The following SYN3 variants were observed in gnomAD, a reference collection of about 807,000 sequenced individuals.
The protein encoded by SYN3 is synapsin III.
SYN3 carries 35 observed loss-of-function variants against 65.8 expected under a neutral mutation model. The observed-to-expected ratio is 0.53, with a 90% CI of 0.41 to 0.70. The LOEUF (loss-of-function observed/expected upper bound fraction) is 0.70, where lower values mean the gene tolerates loss of function less well. Among genes scored for constraint, SYN3 ranks in the 30% least tolerant of loss-of-function variants. The pLI is 0.00. For synonymous variants in SYN3, 270 were observed against 292.9 expected (o/e 0.92, Z 0.80); for missense variants, 680 against 749.0 (o/e 0.91, Z 1.08).
chr22:32,844,886 A>C (rs1211716890), intron 6 of SYN3, among the ~76,000 whole-genome samples: 1 of 151,750 alleles, frequency 6.6e-6, no homozygotes, highest in African/African-American at 2.4e-5. Flanking sequence ...AATTGTTTTA[A>C]ATTTTTATAA....
At chr22:32,798,316 G>A (rs1245583236) in intron 6 of SYN3, among the ~76,000 whole-genome samples, 1 of 152,040 alleles carries the variant, frequency 6.6e-6, no homozygotes, top group East Asian at 1.9e-4. Context: ...AATGGCTGGG[G>A]TTTCCAAGCC....
chr22:32,820,201 C>T (rs2047197604), intron 6 of SYN3, among the ~76,000 whole-genome samples: 2 of 152,006 alleles, frequency 1.3e-5, no homozygotes, highest in Non-Finnish European at 2.9e-5. Context: ...TCCCTCAGGG[C>T]ATGATCACAG....
intron 3 of SYN3, among the ~76,000 whole-genome samples, chr22:32,969,747 T>A (rs1008632988): frequency 6.6e-6 from 1 of 152,184 alleles, no homozygotes; most frequent in Non-Finnish European, 1.5e-5. Flanking sequence ...CCTGGCTCTA[T>A]CCTTCCATGA....
At position 32,848,048 on chromosome 22, in the gene SYN3, C is replaced by T. The variant is rs200851145; in HGVS notation, c.711+16867G>A. 4.6e-5 allele frequency among the ~76,000 whole-genome samples: 7 copies of T among 152,322 alleles called. No homozygotes were observed. In the East Asian group the frequency reaches 9.6e-4, roughly 21 times the overall value. Reference sequence around the variant, plus strand: ...CTCTGCAATTTCCAGTTTTGGTATTCAAGACCTGTCCATTTGCTCCTCCAT... The same window carrying T: ...CTCTGCAATTTCCAGTTTTGGTATTTAAGACCTGTCCATTTGCTCCTCCAT... On this transcript the variant is annotated intron_variant, in intron 6 of 13. Coordinates refer to ENST00000358763, the MANE Select transcript of SYN3 (RefSeq NM_003490.4).
At chr22:32,832,875 G>A (rs1402528452) in intron 6 of SYN3, among the ~76,000 whole-genome samples, 2 of 151,852 alleles carry the variant, frequency 1.3e-5, no homozygotes, top group Non-Finnish European at 2.9e-5. Flanking sequence ...CTACAGGTAC[G>A]TACTACCATT....
intron 6 of SYN3, among the ~76,000 whole-genome samples, chr22:32,726,906 C>T (rs1189391929): frequency 6.6e-6 from 1 of 152,054 alleles, no homozygotes; most frequent in Non-Finnish European, 1.5e-5. Flanking sequence ...AGATAGAAGA[C>T]AGAATCATTT....
At chr22:32,937,122 C>A (rs146724567) in intron 3 of SYN3, among the ~76,000 whole-genome samples, 172 of 152,080 alleles carry the variant, frequency 1.1e-3, no homozygotes, top group South Asian at 5.0e-3. Context: ...AGAATATGAC[C>A]CACAACAAGG....
At chr22:32,893,293 T>C (rs553075365) in intron 4 of SYN3, among the ~76,000 whole-genome samples, 3 of 152,310 alleles carry the variant, frequency 2.0e-5, no homozygotes, top group African/African-American at 4.8e-5. Context: ...GGCACTGCCG[T>C]AGGCACTGGG....
At chr22:32,784,937 G>A (rs1032254515) in intron 6 of SYN3, 2 of 152,194 alleles carry the variant, frequency 1.3e-5, no homozygotes, top group South Asian at 2.1e-4. Flanking sequence ...GCACTGGGCT[G>A]GATCTTCTGA....
intron 6 of SYN3, among the ~76,000 whole-genome samples, chr22:32,704,096 C>T (rs916833033): frequency 1.3e-5 from 2 of 152,094 alleles, no homozygotes; most frequent in African/African-American, 4.8e-5. Flanking sequence ...TTCAGGGGTA[C>T]ATATGCAGGT....
chr22:32,947,608 G>A (rs1166636383), intron 3 of SYN3: 2 of 152,246 alleles, frequency 1.3e-5, no homozygotes, highest in Non-Finnish European at 2.9e-5. Context: ...CCAATGGAAT[G>A]GTGAGGTGTC....
At chr22:32,540,528 C>A (rs1345148061) in intron 8 of SYN3, among the ~76,000 whole-genome samples, 1 of 152,196 alleles carries the variant, frequency 6.6e-6, no homozygotes, top group Non-Finnish European at 1.5e-5. Flanking sequence ...AATAACATTC[C>A]AGAGTGAAAG....
chr22:32,831,571 A>G (rs2047575111), intron 6 of SYN3, among the ~76,000 whole-genome samples: 1 of 152,186 alleles, frequency 6.6e-6, no homozygotes. Context: ...TTTTATTACC[A>G]AGGACTAGCA....
intron 4 of SYN3, among the ~76,000 whole-genome samples, chr22:32,916,468 G>A (rs894027339): frequency 2.8e-4 from 42 of 152,266 alleles, no homozygotes; most frequent in African/African-American, 1.0e-3. Context: ...AACTTCTCTA[G>A]GCAAGTTCAA....
chr22:32,732,455 G>A (rs1006769398), intron 6 of SYN3, among the ~76,000 whole-genome samples: 3 of 152,150 alleles, frequency 2.0e-5, no homozygotes, highest in Non-Finnish European at 2.9e-5. Flanking sequence ...CAGCTTCCTG[G>A]TGACTCCCCA....
At chr22:32,671,650 T>C (rs1228184434) in intron 6 of SYN3, among the ~76,000 whole-genome samples, 2 of 73,170 alleles carry the variant, frequency 2.7e-5, no homozygotes, top group African/African-American at 1.5e-4. Context: ...CTCACACAGA[T>C]GCACACACGC....
chr22:32,659,375 A>G (rs2060185817), intron 6 of SYN3, among the ~76,000 whole-genome samples: 1 of 152,186 alleles, frequency 6.6e-6, no homozygotes, highest in African/African-American at 2.4e-5. Flanking sequence ...CATGTAAGCC[A>G]GATTGCTTCT....
intron 7 of SYN3, among the ~76,000 whole-genome samples, chr22:32,542,630 ATGTGTGTGTGTG>A (rs3838157): frequency 7.4e-6 from 1 of 135,362 alleles, no homozygotes; most frequent in Admixed American, 7.3e-5. Flanking sequence ...GTTTGTGTGT[ATGTGTGTGTGTG>A]TGTGTGTGTG....
rs73162069 is a variant in SYN3, at chr22:33,015,448, T to C, written c.-162-8624A>G. On this transcript the variant is annotated intron_variant, in intron 1 of 13. Transcript: ENST00000358763. ...ATGAAACAACGCTGTTATTCAGATA[T>C]CAACAAAAACTAGTTGATCCTTACT... 7.2e-3 allele frequency: 1,919 copies of C among 268,018 alleles called. 25 individuals are homozygous for C. Among genetic ancestry groups the C allele is most frequent in the South Asian group, 0.027 (498 of 18,792 alleles). The allele number at this position is 268,018 out of a possible 1,614,324, so 16.6% of individuals were successfully genotyped here.
Sources: gnomAD v4.1 joint callset for allele counts (sites outside exome capture counted in the v4.1 genomes callset) on GRCh38, gnomAD v4.1.1 for gene constraint, MANE v1.5 for transcripts, NCBI Gene and HGNC (gene_info 2026-07-23, HGNC 2026-07-21) for gene names.